Variants in NTM observed in about 807,000 individuals in gnomAD.
NTM encodes IgLON family member 2.
Under a neutral mutation model 42.1 loss-of-function variants are expected in NTM, and 13 were observed. The observed-to-expected ratio is 0.31, with a 90% CI of 0.20 to 0.49. NTM has a LOEUF of 0.49. NTM is among the 20% of genes least tolerant of loss of function. The pLI, the probability that NTM is intolerant of heterozygous loss-of-function variation, is 0.99. For synonymous variants in NTM, 187 were observed against 179.2 expected, an observed-to-expected ratio of 1.04 and a Z score of -0.35; for missense variants, 373 against 452.8, an observed-to-expected ratio of 0.82 and a Z score of 1.60.
intron 1 of NTM, among the ~76,000 whole-genome samples, chr11:131,559,226 T>A (rs2055877297): frequency 6.6e-6 from 1 of 152,246 alleles, no homozygotes; most frequent in Non-Finnish European, 1.5e-5. Flanking sequence ...TCCAGCCATG[T>A]GCCCAAGGCC....
Position 131,411,365 on chromosome 11 carries a change from C to T in NTM, c.82+40477C>T, listed in dbSNP as rs915834743. The stretch of plus-strand genomic sequence containing the variant: ...TGGTTCCTAGTTGGCACTGAGCACA[C>T]GTCTAAGCTAAAGATTGCTAAGGAT... On this transcript the variant is annotated intron_variant, in intron 1 of 8. Transcript: ENST00000683400. 7.9e-5 allele frequency among the ~76,000 whole-genome samples: 12 copies of T among 152,200 alleles called. No individual in the cohort carries two copies. In the South Asian group the frequency reaches 1.5e-3, roughly 18 times the overall value.
At chr11:131,428,379 T>G (rs1257897281) in intron 1 of NTM, among the ~76,000 whole-genome samples, 3 of 152,204 alleles carry the variant, frequency 2.0e-5, no homozygotes, top group Non-Finnish European at 2.9e-5. Flanking sequence ...TTTCTACACT[T>G]GCATATTTCC....
intron 1 of NTM, among the ~76,000 whole-genome samples, chr11:131,495,504 C>A (rs1328958452): frequency 6.6e-6 from 1 of 152,244 alleles, no homozygotes; most frequent in Non-Finnish European, 1.5e-5. Flanking sequence ...CTTTCCTCTC[C>A]CATGATGGTT....
At chr11:132,222,286 G>A (rs1447699711) in intron 4 of NTM, among the ~76,000 whole-genome samples, 2 of 152,130 alleles carry the variant, frequency 1.3e-5, no homozygotes, top group African/African-American at 2.4e-5. Flanking sequence ...CGCACAGGAC[G>A]GACACAGCCT....
intron 1 of NTM, among the ~76,000 whole-genome samples, chr11:131,773,709 C>T (rs1237904745): frequency 6.6e-6 from 1 of 152,176 alleles, no homozygotes; most frequent in Non-Finnish European, 1.5e-5. Context: ...ATGGCTAATA[C>T]GTTGCTTCAA....
intron 2 of NTM, among the ~76,000 whole-genome samples, chr11:132,040,238 G>C (rs2077013494): frequency 6.6e-6 from 1 of 152,306 alleles, no homozygotes; most frequent in Non-Finnish European, 1.5e-5. Context: ...TAGGATTACA[G>C]ACGTGAGCCA....
At chr11:131,441,723 C>A (rs2135980622) in intron 1 of NTM, among the ~76,000 whole-genome samples, 1 of 152,288 alleles carries the variant, frequency 6.6e-6, no homozygotes, top group African/African-American at 2.4e-5. Flanking sequence ...CCTAAGGCAC[C>A]AACTGTCTTT....
intron 2 of NTM, among the ~76,000 whole-genome samples, chr11:132,086,393 A>AG (rs1469423756): frequency 2.6e-5 from 4 of 152,192 alleles, no homozygotes; most frequent in African/African-American, 9.7e-5. Context: ...AGGAAAAAAA[A>AG]ACTTTTCTCC....
At chr11:132,303,731 ACAAT>A (rs2094959262) in intron 4 of NTM, among the ~76,000 whole-genome samples, 1 of 100,228 alleles carries the variant, frequency 1.0e-5, no homozygotes, top group African/African-American at 2.8e-5. Flanking sequence ...AAAAAAAAAA[ACAAT>A]CTGTGAAGAA....
At chr11:131,494,465 G>A (rs1249726271) in intron 1 of NTM, among the ~76,000 whole-genome samples, 1 of 152,212 alleles carries the variant, frequency 6.6e-6, no homozygotes, top group Non-Finnish European at 1.5e-5. Context: ...ATATGGTGAA[G>A]TTAGCCAGGC....
intron 2 of NTM, among the ~76,000 whole-genome samples, chr11:132,080,095 A>G (rs1159654571): frequency 1.3e-5 from 2 of 152,182 alleles, no homozygotes; most frequent in African/African-American, 4.8e-5. Flanking sequence ...TCCAGTTCCT[A>G]TATTAAATTC....
intron 6 of NTM, chr11:132,312,803 C>A (rs1254965000): frequency 1.9e-5 from 3 of 154,702 alleles, no homozygotes; most frequent in Non-Finnish European, 2.9e-5. Flanking sequence ...TGGACAGCAC[C>A]CCCTAGAGGA....
intron 1 of NTM, among the ~76,000 whole-genome samples, chr11:131,626,714 T>C (rs980699803): frequency 4.6e-5 from 7 of 152,264 alleles, no homozygotes; most frequent in African/African-American, 1.7e-4. Flanking sequence ...CGAAGGCTCC[T>C]AGACGATCTC....
At chr11:132,283,707 C>T (rs988865017) in intron 4 of NTM, among the ~76,000 whole-genome samples, 3 of 152,190 alleles carry the variant, frequency 2.0e-5, no homozygotes, top group Non-Finnish European at 4.4e-5. Flanking sequence ...GCACCCTGTT[C>T]TAAGTTAGGC....
At chr11:131,583,408 A>G (rs765122912) in intron 1 of NTM, among the ~76,000 whole-genome samples, 3 of 152,210 alleles carry the variant, frequency 2.0e-5, no homozygotes, top group Non-Finnish European at 2.9e-5. Flanking sequence ...TCTTCATAAA[A>G]TATTAAGAGA....
intron 1 of NTM, among the ~76,000 whole-genome samples, chr11:131,533,017 T>G (rs896440393): frequency 6.6e-6 from 1 of 152,196 alleles, no homozygotes; most frequent in East Asian, 1.9e-4. Flanking sequence ...CTTATTTTTG[T>G]TTAAGTTTAA....
At chr11:131,437,100 G>A (rs552986007) in intron 1 of NTM, among the ~76,000 whole-genome samples, 2 of 152,312 alleles carry the variant, frequency 1.3e-5, no homozygotes, top group African/African-American at 4.8e-5. Flanking sequence ...AGTTTTGAGT[G>A]AGTTTCTGAA....
chr11:131,844,909 G>A (rs149985003), intron 1 of NTM, among the ~76,000 whole-genome samples: 1 of 152,198 alleles, frequency 6.6e-6, no homozygotes, highest in East Asian at 1.9e-4. Flanking sequence ...TAGGCAGTTT[G>A]TTGTTTTCTT....
intron 1 of NTM, among the ~76,000 whole-genome samples, chr11:131,831,070 A>G (rs2042757478): frequency 6.6e-6 from 1 of 152,156 alleles, no homozygotes; most frequent in Non-Finnish European, 1.5e-5. Flanking sequence ...CATTTGGTAG[A>G]GTCTTTAGGG....
Sources: allele counts gnomAD v4.1 joint callset (sites outside exome capture counted in the v4.1 genomes callset), GRCh38; gene constraint gnomAD v4.1.1; transcripts MANE v1.5; gene names NCBI Gene and HGNC (gene_info 2026-07-23, HGNC 2026-07-21).